STK39: variants seen among roughly 807,000 people sequenced by gnomAD.
The protein encoded by STK39 is serine/threonine kinase 39.
A neutral mutation model predicts 77.8 loss-of-function variants in STK39; 20 were observed. That is an observed-to-expected ratio of 0.26 (90% CI 0.18 to 0.37). The LOEUF (loss-of-function observed/expected upper bound fraction) is 0.37, where lower values mean the gene tolerates loss of function less well. Ranked by LOEUF, STK39 falls within the 10% of genes least tolerant of loss-of-function variation. The pLI, the probability that STK39 is intolerant of heterozygous loss-of-function variation, is 1.00. For missense variants in STK39, 479 were observed against 656.5 expected (o/e 0.73, Z 2.95); for synonymous variants, 246 against 234.1 (o/e 1.05, Z -0.47).
At chr2:168,177,072 C>T (rs1688972660) in intron 2 of STK39, among the ~76,000 whole-genome samples, 1 of 152,116 alleles carries the variant, frequency 6.6e-6, no homozygotes, top group Admixed American at 6.6e-5. Context: ...GCAAAGAAAG[C>T]AAGTCCCCTG....
Position 168,247,278 on chromosome 2 carries a change from G to C in STK39, c.158C>G (p.Ala53Gly). 2 of 1,077,840 alleles carry C rather than the reference G, an allele frequency of 1.9e-6. No individual in the cohort carries two copies. The highest frequency in any genetic ancestry group is 4.0e-4 in the Middle Eastern group (1 of 2,470). 66.8% of individuals were successfully genotyped at this position (1,077,840 alleles called of 1,614,324 possible). A position where few individuals can be genotyped will look rare whatever the true frequency, so the allele number is the denominator to read the frequency against. The change falls in exon 1 of 18, where the codon GCT becomes GGT. Residue 53 changes from alanine to glycine, a missense_variant. Coordinates refer to ENST00000355999, the MANE Select transcript of STK39 (RefSeq NM_013233.3). ...PAPAPAPAAQ[A>G]VGWPICRDAY... ...GTCCCTGCAGATGGGCCAGCCGACAGCCTGTGCCGCCGGGGCCGGGGCCGG... is the reference window on the plus strand; with the variant it reads ...GTCCCTGCAGATGGGCCAGCCGACACCCTGTGCCGCCGGGGCCGGGGCCGG...
intron 16 of STK39, among the ~76,000 whole-genome samples, chr2:167,983,166 T>C (rs746783791): frequency 1.1e-4 from 17 of 152,252 alleles, no homozygotes; most frequent in Non-Finnish European, 2.2e-4. Flanking sequence ...GTTAGAAGAA[T>C]GTACTTCATA....
At chr2:168,122,696 C>G (rs71430616) in intron 10 of STK39, among the ~76,000 whole-genome samples, 1 of 152,104 alleles carries the variant, frequency 6.6e-6, no homozygotes, top group Non-Finnish European at 1.5e-5. Context: ...CTCAGCCTCT[C>G]TAAGTGCTGG....
At chr2:168,091,240 A>G (rs1434215203) in intron 10 of STK39, among the ~76,000 whole-genome samples, 1 of 152,138 alleles carries the variant, frequency 6.6e-6, no homozygotes, top group African/African-American at 2.4e-5. Flanking sequence ...TGATTCCAGC[A>G]CAAGTTTAAA....
chr2:168,016,387 C>CAAAAAAAAAAAAAAAAAAA (rs869084308), intron 15 of STK39, among the ~76,000 whole-genome samples: 3 of 65,684 alleles, frequency 4.6e-5, no homozygotes, highest in African/African-American at 1.7e-4. Context: ...GGCCTTTGTT[C>CAAAAAAAAAAAAAAAAAAA]AAAAAAAAAA....
intron 14 of STK39, among the ~76,000 whole-genome samples, chr2:168,048,019 T>G (rs542848375): frequency 1.3e-5 from 2 of 152,326 alleles, no homozygotes; most frequent in South Asian, 4.1e-4. Flanking sequence ...AGTTTTATTT[T>G]CTGAAAATTT....
At chr2:168,104,507 G>T (rs1324197325) in intron 10 of STK39, among the ~76,000 whole-genome samples, 2 of 152,184 alleles carry the variant, frequency 1.3e-5, no homozygotes, top group African/African-American at 2.4e-5. Flanking sequence ...GCCCATAGGG[G>T]GAGTTACATG....
chr2:168,106,837 A>G (rs1485180616), intron 10 of STK39, among the ~76,000 whole-genome samples: 1 of 152,180 alleles, frequency 6.6e-6, no homozygotes, highest in Non-Finnish European at 1.5e-5. Context: ...AAAAACATTT[A>G]TGTAGGCATA....
chr2:167,959,218 A>C (rs1344402379), intron 17 of STK39, among the ~76,000 whole-genome samples: 1 of 152,002 alleles, frequency 6.6e-6, no homozygotes, highest in Non-Finnish European at 1.5e-5. Flanking sequence ...TCCCGGGTTC[A>C]AGCGATTCTC....
intron 16 of STK39, among the ~76,000 whole-genome samples, chr2:167,966,691 G>GC (rs1204969145): frequency 6.6e-6 from 1 of 152,134 alleles, no homozygotes; most frequent in Non-Finnish European, 1.5e-5. Flanking sequence ...GGAGCTGCCT[G>GC]CATCTTAAAC....
At position 168,174,272 on chromosome 2, in the gene STK39, T is replaced by C. The variant is rs75696730; in HGVS notation, c.322-6865A>G. The stretch of plus-strand genomic sequence containing the variant: ...GGCAATTGAAGGTCTGGAAAATCTC[T>C]CAGAAGTAGCAGAGAAATCCCGATG... On this transcript the variant is annotated intron_variant, in intron 2 of 17. Transcript: ENST00000355999. Among the ~76,000 whole-genome samples, 99 of 152,320 alleles carry C rather than the reference T, an allele frequency of 6.5e-4. No homozygotes were observed. In the East Asian group the frequency reaches 0.017, roughly 27 times the overall value.
chr2:168,061,474 T>C (rs1447451176), intron 14 of STK39, among the ~76,000 whole-genome samples: 8 of 151,972 alleles, frequency 5.3e-5, no homozygotes, highest in Non-Finnish European at 1.0e-4. Flanking sequence ...CAAAAAAAAG[T>C]GTATGTGCGT....
intron 10 of STK39, among the ~76,000 whole-genome samples, chr2:168,088,948 G>A (rs1421535451): frequency 6.6e-6 from 1 of 152,158 alleles, no homozygotes; most frequent in Non-Finnish European, 1.5e-5. Context: ...TGAGATTGTG[G>A]CTTAAACACT....
At chr2:168,017,683 TATTAAAAATTTCAGAAGC>T (rs1395079058) in intron 14 of STK39, among the ~76,000 whole-genome samples, 3 of 152,142 alleles carry the variant, frequency 2.0e-5, no homozygotes, top group African/African-American at 7.2e-5. Context: ...AATATAATTT[TATTAAAAATTTCAGAAGC>T]CTTTAGTCTA....
At chr2:168,029,832 T>C (rs192860465) in intron 14 of STK39, among the ~76,000 whole-genome samples, 1 of 152,188 alleles carries the variant, frequency 6.6e-6, no homozygotes, top group African/African-American at 2.4e-5. Context: ...GACTGGCTTA[T>C]GTCCTCTCTT....
chr2:168,007,451 AAC>A (rs1684159965), intron 16 of STK39, among the ~76,000 whole-genome samples: 1 of 152,230 alleles, frequency 6.6e-6, no homozygotes, highest in South Asian at 2.1e-4. Flanking sequence ...CAATTAACAA[AAC>A]AGATTAAAAA....
intron 10 of STK39, among the ~76,000 whole-genome samples, chr2:168,110,566 T>C (rs564166226): frequency 6.6e-6 from 1 of 152,226 alleles, no homozygotes; most frequent in East Asian, 1.9e-4. Flanking sequence ...AGATTGTATA[T>C]CTCATCTCGG....
intron 2 of STK39, among the ~76,000 whole-genome samples, chr2:168,176,911 A>G (rs1340333978): frequency 6.6e-6 from 1 of 152,150 alleles, no homozygotes; most frequent in Non-Finnish European, 1.5e-5. Context: ...AAGTGAATTG[A>G]AAAGGGGGTT....
intron 1 of STK39, among the ~76,000 whole-genome samples, chr2:168,209,635 G>A (rs1470375799): frequency 6.6e-6 from 1 of 151,676 alleles, no homozygotes; most frequent in African/African-American, 2.4e-5. Flanking sequence ...AGCCGAGATC[G>A]CACCACTGCA....
Sources: gnomAD v4.1 joint callset for allele counts (sites outside exome capture counted in the v4.1 genomes callset) on GRCh38, gnomAD v4.1.1 for gene constraint, MANE v1.5 for transcripts, NCBI Gene and HGNC (gene_info 2026-07-23, HGNC 2026-07-21) for gene names.